Variants in DEFB119 observed in about 807,000 individuals in gnomAD.
The protein encoded by DEFB119 is beta-defensin 119.
A neutral mutation model predicts 2.5 loss-of-function variants in DEFB119; 3 were observed. The observed-to-expected ratio is 1.19, with a 90% confidence interval of 0.54 to 3.07. DEFB119 has a LOEUF of 3.07. Ranked by LOEUF, DEFB119 falls within the 30% of genes most tolerant of loss-of-function variation. The probability of loss-of-function intolerance (pLI) is 0.03; values close to 1 mark genes in which losing one functional copy is unlikely to be tolerated. For missense variants in DEFB119, 113 were observed against 101.1 expected, an observed-to-expected ratio of 1.12 and a Z score of -0.50; for synonymous variants, 29 against 33.7, an observed-to-expected ratio of 0.86 and a Z score of 0.48.
chr20:31,378,026 C>T (rs1470438791), intron 1 of DEFB119, among the ~76,000 whole-genome samples: 1 of 152,184 alleles, frequency 6.6e-6, no homozygotes, highest in African/African-American at 2.4e-5. Context: ...GTGTAACCTC[C>T]CAGAGTGGAA....
intron 1 of DEFB119, among the ~76,000 whole-genome samples, chr20:31,388,732 T>A (rs1031602020): frequency 5.3e-5 from 8 of 152,128 alleles, no homozygotes; most frequent in African/African-American, 1.9e-4. Context: ...TCTTTAGGCA[T>A]CTGCTATGCC....
chr20:31,388,910 TC>T lies in DEFB119; in HGVS notation c.61+1512del, dbSNP rs1568732638. 79 of 1,302,114 alleles carry T rather than the reference TC, an allele frequency of 6.1e-5. 1 individual carries two copies. In the South Asian group the frequency reaches 9.3e-4, roughly 15 times the overall value. The allele number at this position is 1,302,114 out of a possible 1,614,324, so 80.7% of individuals were successfully genotyped here. A position where few individuals can be genotyped will look rare whatever the true frequency, so the allele number is the denominator to read the frequency against. On this transcript the variant is annotated intron_variant, in intron 1 of 1. Coordinates refer to ENST00000376321, the MANE Select transcript of DEFB119 (RefSeq NM_153289.4). Reference sequence around the variant, plus strand: ...ACTAGCTCTTCACCTCCCCCTGCCATCCCCCCACCCTCAATCCATTTGAAGT... The same window carrying T: ...ACTAGCTCTTCACCTCCCCCTGCCATCCCCCACCCTCAATCCATTTGAAGT...
chr20:31,384,874 T>G (rs575891765), intron 1 of DEFB119, among the ~76,000 whole-genome samples: 4 of 152,350 alleles, frequency 2.6e-5, no homozygotes, highest in Middle Eastern at 3.4e-3. Context: ...TTCTTTTTGT[T>G]TTCAACCTAA....
At chr20:31,389,414 G>T (rs1986841456) in intron 1 of DEFB119, among the ~76,000 whole-genome samples, 1 of 152,088 alleles carries the variant, frequency 6.6e-6, no homozygotes, top group Admixed American at 6.6e-5. Context: ...CTGAGACAAT[G>T]GTTCCAACTG....
chr20:31,378,318 G>A (rs1311786966), intron 1 of DEFB119: 1 of 1,614,094 alleles, frequency 6.2e-7, no homozygotes, highest in South Asian at 1.1e-5. Flanking sequence ...AACCAAGGCA[G>A]TACCAGAGGA....
chr20:31,385,821 G>GAT (rs1986677918), intron 1 of DEFB119, among the ~76,000 whole-genome samples: 1 of 151,920 alleles, frequency 6.6e-6, no homozygotes, highest in Non-Finnish European at 1.5e-5. Flanking sequence ...AGTGAGCCAT[G>GAT]ATCGCACTAC....
Position 31,377,242 on chromosome 20 carries a change from G to T in DEFB119, c.*4C>A. 6.2e-7 allele frequency: 1 copy of T among 1,606,400 alleles called. No individual in the cohort carries two copies. Among genetic ancestry groups the T allele is most frequent in the Non-Finnish European group, 8.5e-7 (1 of 1,176,376 alleles). On this transcript the variant is annotated 3_prime_UTR_variant, in exon 2 of 2. Coordinates refer to ENST00000376321, the MANE Select transcript of DEFB119 (RefSeq NM_153289.4). ...GAGAGCTTGAGAATGGTAATCACCA[G>T]CACTCAAGGTAGTCTTGGCCACTGC...
intron 1 of DEFB119, chr20:31,378,460 T>C: frequency 1.2e-6 from 2 of 1,602,360 alleles, no homozygotes; most frequent in South Asian, 1.1e-5. Context: ...CATAATAATA[T>C]CAAAAACATC....
Position 31,377,278 on chromosome 20 carries a change from A to G in DEFB119, c.223T>C (p.Ser75Pro), listed in dbSNP as rs760485723. The G allele has an allele frequency of 5.6e-6, 9 of 1,613,942 alleles. No individual in the cohort carries two copies. Among genetic ancestry groups the G allele is most frequent in the Non-Finnish European group, 6.8e-6 (8 of 1,179,924 alleles). Residue 75 changes from serine to proline, a missense_variant, in exon 2 of 2, where the codon TCT becomes CCT. Physicochemically the swap from Ser to Pro is moderately conservative, Grantham distance 74. Transcript: ENST00000376321. ...AGTCTTGGCCACTGCTTCTCATAAG[A>G]CCAGTCGGTATTTTCCTCTTTGCCA... ...ISGKEENTDW[S>P]YEKQWPRLP is the part of the protein sequence containing the mutation.
At position 31,379,271 on chromosome 20, in the gene DEFB119, T is replaced by C. The variant is rs140893601; in HGVS notation, c.62-1832A>G. ...GCATTAAAAGACAAAATAATGGAGG[T>C]TGAGTGGGCCTAAACTAAGAAAAAG... On this transcript the variant is annotated intron_variant, in intron 1 of 1. Coordinates refer to ENST00000376321, the MANE Select transcript of DEFB119 (RefSeq NM_153289.4). 6.6e-5 allele frequency among the ~76,000 whole-genome samples: 10 copies of C among 152,258 alleles called. No individual in the cohort carries two copies. In the East Asian group the frequency reaches 1.9e-3, roughly 29 times the overall value.
intron 1 of DEFB119, among the ~76,000 whole-genome samples, chr20:31,383,316 G>A (rs1986567065): frequency 6.6e-6 from 1 of 152,006 alleles, no homozygotes; most frequent in Admixed American, 6.6e-5. Context: ...GGCCGAGGTG[G>A]ACGGGACTCT....
intron 1 of DEFB119, among the ~76,000 whole-genome samples, chr20:31,386,069 G>T (rs1016484000): frequency 2.6e-5 from 4 of 152,140 alleles, no homozygotes; most frequent in Non-Finnish European, 4.4e-5. Flanking sequence ...AGTGGCTGAA[G>T]AGAAGGTCTG....
intron 1 of DEFB119, among the ~76,000 whole-genome samples, chr20:31,384,155 TC>T (rs1391284197): frequency 1.3e-5 from 2 of 152,176 alleles, no homozygotes; most frequent in South Asian, 2.1e-4. Context: ...AACAGGAGCT[TC>T]TTAAGAGTAA....
intron 1 of DEFB119, among the ~76,000 whole-genome samples, chr20:31,385,992 G>A (rs1986687924): frequency 6.6e-6 from 1 of 152,116 alleles, no homozygotes; most frequent in South Asian, 2.1e-4. Flanking sequence ...TGAGTGTTGG[G>A]GACCAGCTGG....
At chr20:31,377,650 ATG>A (rs151207116) in intron 1 of DEFB119, among the ~76,000 whole-genome samples, 16 of 150,558 alleles carry the variant, frequency 1.1e-4, no homozygotes, top group Middle Eastern at 3.4e-3. Flanking sequence ...GTGTGTGTAT[ATG>A]TGTGTGTGTG....
At chr20:31,389,530 A>G (rs1000064027) in intron 1 of DEFB119, among the ~76,000 whole-genome samples, 1 of 152,064 alleles carries the variant, frequency 6.6e-6, no homozygotes, top group African/African-American at 2.4e-5. Flanking sequence ...AAGCTAATTA[A>G]TGTCCCACCT....
rs148428945 is a variant in DEFB119, at chr20:31,386,810, C to CTTTT, written c.61+3609_61+3612dup. Among the ~76,000 whole-genome samples the CTTTT allele has an allele frequency of 3.2e-3, 349 of 108,892 alleles. 6 individuals carry two copies. Among genetic ancestry groups the CTTTT allele is most frequent in the African/African-American group, 6.1e-3 (153 of 24,928 alleles). The allele number at this position is 108,892 out of a possible 152,430, so 71.4% of individuals were successfully genotyped here. A position where few individuals can be genotyped will look rare whatever the true frequency, so the allele number is the denominator to read the frequency against. ...GTATTTTCTTTTTCTTTTTCTTTTT[C>CTTTT]TTTTTTTTTTTTTTTTTTTTTGAGA... On this transcript the variant is annotated intron_variant, in intron 1 of 1. Coordinates refer to ENST00000376321, the MANE Select transcript of DEFB119 (RefSeq NM_153289.4).
rs375517131 is a variant in DEFB119, at chr20:31,386,299, G to C, written c.61+4124C>G. ...TTTGGTGTTCTCACCCCGGGCCTCG[G>C]GGCACAGGTAGCTCTCATGGGCAGC... On this transcript the variant is annotated intron_variant, in intron 1 of 1. Coordinates refer to ENST00000376321, the MANE Select transcript of DEFB119 (RefSeq NM_153289.4). Among the ~76,000 whole-genome samples the C allele has an allele frequency of 3.9e-5, 6 of 152,266 alleles. No individual in the cohort carries two copies. The East Asian group carries it at 9.7e-4, about 25-fold the overall frequency.
At chr20:31,388,512 A>G (rs1986795868) in intron 1 of DEFB119, among the ~76,000 whole-genome samples, 1 of 152,228 alleles carries the variant, frequency 6.6e-6, no homozygotes, top group South Asian at 2.1e-4. Context: ...AATAATGAAC[A>G]AATTCATATA....
Sources: gnomAD v4.1 joint callset for allele counts (sites outside exome capture counted in the v4.1 genomes callset) on GRCh38, gnomAD v4.1.1 for gene constraint, MANE v1.5 for transcripts, NCBI Gene and HGNC (gene_info 2026-07-23, HGNC 2026-07-21) for gene names.